MARCHF1: variants seen among roughly 807,000 people sequenced by gnomAD.
MARCHF1 encodes the protein membrane associated ring-CH-type finger 1, also known as E3 ubiquitin-protein ligase MARCHF1.
In MARCHF1, 40 loss-of-function variants were observed where a neutral mutation model predicts 54.2. The ratio of observed to expected loss-of-function variants is 0.74; its 90% CI spans 0.57 to 0.96. The LOEUF is 0.96. MARCHF1 is among the 40% of genes least tolerant of loss of function. MARCHF1 has a pLI of 0.00. For missense variants in MARCHF1, 586 were observed against 656.5 expected (o/e 0.89, Z 1.17); for synonymous variants, 236 against 236.3 (o/e 1.00, Z 0.01).
intron 9 of MARCHF1, among the ~76,000 whole-genome samples, chr4:163,535,580 T>G (rs1412604666): frequency 6.6e-6 from 1 of 152,112 alleles, no homozygotes; most frequent in Non-Finnish European, 1.5e-5. Flanking sequence ...CAGGAGTATG[T>G]GATGATTCTA....
chr4:163,873,092 A>C (rs186832355), intron 3 of MARCHF1, among the ~76,000 whole-genome samples: 32 of 136,434 alleles, frequency 2.3e-4, no homozygotes, highest in South Asian at 1.6e-3. Flanking sequence ...AACAAACAAA[A>C]AAAATGATGA....
At chr4:163,582,909 T>C (rs1480013946) in intron 8 of MARCHF1, among the ~76,000 whole-genome samples, 1 of 152,180 alleles carries the variant, frequency 6.6e-6, no homozygotes, top group Non-Finnish European at 1.5e-5. Flanking sequence ...ATCATTATGA[T>C]TACTGCCTCT....
intron 3 of MARCHF1, among the ~76,000 whole-genome samples, chr4:163,899,111 C>T (rs1163672729): frequency 6.6e-6 from 1 of 152,162 alleles, no homozygotes; most frequent in African/African-American, 2.4e-5. Context: ...GAAGCTCTAT[C>T]CCCACCAGTA....
At chr4:164,288,626 A>G (rs547799082) in intron 1 of MARCHF1, among the ~76,000 whole-genome samples, 77 of 152,120 alleles carry the variant, frequency 5.1e-4, no homozygotes, top group South Asian at 1.2e-3. Context: ...ATTAAATGCC[A>G]TACTAGAAGA....
At chr4:163,842,132 A>C (rs997592319) in intron 4 of MARCHF1, among the ~76,000 whole-genome samples, 1 of 152,164 alleles carries the variant, frequency 6.6e-6, no homozygotes, top group African/African-American at 2.4e-5. Context: ...AAGAGAATCT[A>C]TTAAACAACC....
chr4:163,866,316 T>A lies in MARCHF1; in HGVS notation c.-38-12147A>T, dbSNP rs905182593. 6.0e-5 allele frequency among the ~76,000 whole-genome samples: 9 copies of A among 150,962 alleles called. No homozygotes were observed. In the South Asian group the frequency reaches 1.2e-3, roughly 21 times the overall value. On this transcript the variant is annotated intron_variant, in intron 3 of 9. Coordinates refer to ENST00000514618, the MANE Select transcript of MARCHF1 (RefSeq NM_001394959.1). ...AAATATATTTCTAAACTGTATTATA[T>A]ACCAAGAGTCAAAGAATTCTTTTTT...
intron 5 of MARCHF1, among the ~76,000 whole-genome samples, chr4:163,663,362 T>G (rs1023237908): frequency 6.6e-6 from 1 of 152,010 alleles, no homozygotes; most frequent in African/African-American, 2.4e-5. Flanking sequence ...GCAGCCACAC[T>G]GTCAGCTCTC....
intron 2 of MARCHF1, among the ~76,000 whole-genome samples, chr4:164,097,036 A>G (rs1477112051): frequency 1.3e-5 from 2 of 152,146 alleles, no homozygotes; most frequent in Non-Finnish European, 2.9e-5. Flanking sequence ...AGAAGTACAG[A>G]AAAGCTGTTC....
chr4:164,036,479 A>G (rs1392997908), intron 2 of MARCHF1, among the ~76,000 whole-genome samples: 1 of 152,200 alleles, frequency 6.6e-6, no homozygotes, highest in Admixed American at 6.5e-5. Context: ...TATATTAAAT[A>G]TAAATATGTG....
At chr4:164,045,609 TTTTGTTTG>T (rs537888093) in intron 2 of MARCHF1, among the ~76,000 whole-genome samples, 88 of 151,730 alleles carry the variant, frequency 5.8e-4, no homozygotes, top group South Asian at 1.5e-3. Context: ...TAGCTTAGGT[TTTTGTTTG>T]TTTGTTTGTT....
chr4:164,073,836 G>C (rs372341278), intron 2 of MARCHF1, among the ~76,000 whole-genome samples: 1 of 151,436 alleles, frequency 6.6e-6, no homozygotes, highest in Admixed American at 6.6e-5. Context: ...AGACAGTCTC[G>C]CTCTGTCGCC....
At chr4:164,146,196 T>C (rs1448326621) in intron 1 of MARCHF1, among the ~76,000 whole-genome samples, 1 of 145,318 alleles carries the variant, frequency 6.9e-6, no homozygotes, top group Non-Finnish European at 1.5e-5. Context: ...TGGAAGAACA[T>C]TCCATGCTCA....
chr4:164,100,755 G>A (rs1343059889), intron 2 of MARCHF1, among the ~76,000 whole-genome samples: 1 of 152,210 alleles, frequency 6.6e-6, no homozygotes, highest in Non-Finnish European at 1.5e-5. Flanking sequence ...AGCTGGGGGA[G>A]GAGCCAAGAT....
intron 3 of MARCHF1, among the ~76,000 whole-genome samples, chr4:163,887,098 A>G (rs894132457): frequency 6.6e-6 from 1 of 152,128 alleles, no homozygotes; most frequent in Non-Finnish European, 1.5e-5. Flanking sequence ...TATATTCTCT[A>G]CCTTTAGAAA....
chr4:164,254,252 A>G (rs751275635), intron 1 of MARCHF1, among the ~76,000 whole-genome samples: 6 of 151,558 alleles, frequency 4.0e-5, no homozygotes, highest in East Asian at 1.9e-4. Flanking sequence ...GGATTTCTCT[A>G]TGCTGGCCAG....
intron 4 of MARCHF1, among the ~76,000 whole-genome samples, chr4:163,801,587 C>A (rs1748082607): frequency 6.6e-6 from 1 of 151,988 alleles, no homozygotes; most frequent in Non-Finnish European, 1.5e-5. Context: ...GTATAAAGCA[C>A]AATGAAATTT....
In MARCHF1 at chr4:163,756,691, A is replaced by G. The variant is rs191127088; in HGVS notation, c.112-55828T>C. ...CAAAGAAAATGAGCAGGAGAAAAAC[A>G]ATATTTGGGACTCTAATTCTCTAAC... is the stretch of plus-strand genomic sequence containing the variant. On this transcript the variant is annotated intron_variant, in intron 4 of 9. Transcript: ENST00000514618. 1.7e-3 allele frequency among the ~76,000 whole-genome samples: 264 copies of G among 151,418 alleles called. 2 individuals carry two copies. The highest frequency in any genetic ancestry group is 6.2e-3 in the African/African-American group (256 of 41,368).
At chr4:164,035,468 A>G (rs1753971891) in intron 2 of MARCHF1, among the ~76,000 whole-genome samples, 1 of 151,486 alleles carries the variant, frequency 6.6e-6, no homozygotes, top group Admixed American at 6.6e-5. Flanking sequence ...CTCAGCTTTT[A>G]GAAAAAAAAA....
Position 164,142,818 on chromosome 4 carries a change from C to T in MARCHF1, c.-322-31156G>A, listed in dbSNP as rs190019386. ...TCACCAGCAATGGAACAAAGCTGGA[C>T]GGAGAATGACTTTGACGAGCTGAGA... On this transcript the variant is annotated intron_variant, in intron 1 of 9. Coordinates refer to ENST00000514618, the MANE Select transcript of MARCHF1 (RefSeq NM_001394959.1). Among the ~76,000 whole-genome samples, 618 of 152,192 alleles carry T rather than the reference C, an allele frequency of 4.1e-3. 1 individual carries two copies. Among genetic ancestry groups the T allele is most frequent in the African/African-American group, 0.012 (506 of 41,526 alleles).
Sources: allele counts gnomAD v4.1 joint callset (sites outside exome capture counted in the v4.1 genomes callset), GRCh38; gene constraint gnomAD v4.1.1; transcripts MANE v1.5; gene names NCBI Gene and HGNC (gene_info 2026-07-23, HGNC 2026-07-21).